PTPRD: variants seen among roughly 807,000 people sequenced by gnomAD.
PTPRD encodes protein tyrosine phosphatase receptor type D.
In PTPRD, 34 loss-of-function variants were observed where a neutral mutation model predicts 214.5. That is an observed-to-expected ratio of 0.16 (90% confidence interval 0.12 to 0.21). The LOEUF is 0.21. Among genes scored for constraint, PTPRD ranks in the 10% least tolerant of loss-of-function variants. The pLI, the probability that PTPRD is intolerant of heterozygous loss-of-function variation, is 1.00. For synonymous variants in PTPRD, 1,128 were observed against 845.7 expected, an observed-to-expected ratio of 1.33 and a Z score of -5.79; for missense variants, 2,545 against 2,398.7, an observed-to-expected ratio of 1.06 and a Z score of -1.27.
intron 4 of PTPRD, among the ~76,000 whole-genome samples, chr9:10,003,372 T>C (rs987419894): frequency 6.6e-6 from 1 of 151,806 alleles, no homozygotes; most frequent in Non-Finnish European, 1.5e-5. Flanking sequence ...AATAAAACCA[T>C]AGACTCAAAA....
intron 35 of PTPRD, among the ~76,000 whole-genome samples, chr9:8,434,474 C>T (rs1402115961): frequency 6.6e-6 from 1 of 152,110 alleles, no homozygotes; most frequent in Non-Finnish European, 1.5e-5. Flanking sequence ...CAAAATCACC[C>T]AAGAACACAT....
At chr9:9,239,019 T>C (rs763274427) in intron 9 of PTPRD, among the ~76,000 whole-genome samples, 1 of 152,156 alleles carries the variant, frequency 6.6e-6, no homozygotes, top group Non-Finnish European at 1.5e-5. Context: ...CTCCACAAGA[T>C]TGAGCTCTGA....
intron 8 of PTPRD, among the ~76,000 whole-genome samples, chr9:9,472,761 C>T (rs17831928): frequency 0.072 from 10,969 of 152,176 alleles, 463 homozygotes; most frequent in Middle Eastern, 0.099. Context: ...TTCCCTTAAT[C>T]GGCATAAAAT....
intron 5 of PTPRD, among the ~76,000 whole-genome samples, chr9:9,880,870 G>T (rs915011560): frequency 6.6e-6 from 1 of 152,012 alleles, no homozygotes; most frequent in East Asian, 1.9e-4. Context: ...CCTACTGTCT[G>T]AAACTGACTT....
intron 3 of PTPRD, among the ~76,000 whole-genome samples, chr9:10,086,942 A>C (rs571385764): frequency 3.3e-5 from 5 of 151,816 alleles, no homozygotes; most frequent in Non-Finnish European, 5.9e-5. Context: ...CTCCACTTTT[A>C]GGAAATATTA....
At position 10,311,231 on chromosome 9, in the gene PTPRD, C is replaced by G. The variant is rs144135342; in HGVS notation, c.-545+29732G>C. Among the ~76,000 whole-genome samples, 428 of 151,974 alleles carry G rather than the reference C, an allele frequency of 2.8e-3. 2 individuals carry two copies. The highest frequency in any genetic ancestry group is 9.8e-3 in the African/African-American group (408 of 41,484). On this transcript the variant is annotated intron_variant, in intron 3 of 45. Coordinates refer to ENST00000381196, the MANE Select transcript of PTPRD (RefSeq NM_002839.4). ...CTTAACTTTGTCTTTCTTAATATTG[C>G]TAACCCATAGGAGAAAAATTTAGTC...
At chr9:9,742,499 A>G (rs532477929) in intron 6 of PTPRD, among the ~76,000 whole-genome samples, 18 of 152,286 alleles carry the variant, frequency 1.2e-4, no homozygotes, top group African/African-American at 4.3e-4. Context: ...TAATTTTGAT[A>G]AAGAAAGGAA....
intron 9 of PTPRD, among the ~76,000 whole-genome samples, chr9:9,206,399 G>A (rs140947924): frequency 1.1e-4 from 16 of 152,322 alleles, no homozygotes; most frequent in African/African-American, 3.6e-4. Context: ...ACTGGAGTGA[G>A]AGTTGGGGGA....
At chr9:8,896,293 T>C (rs1349273218) in intron 11 of PTPRD, among the ~76,000 whole-genome samples, 1 of 152,232 alleles carries the variant, frequency 6.6e-6, no homozygotes, top group Non-Finnish European at 1.5e-5. Context: ...GCCTTCAGAA[T>C]TGGTTATGGA....
chr9:8,359,139 C>CA (rs1564253432), intron 39 of PTPRD, among the ~76,000 whole-genome samples: 2 of 13,256 alleles, frequency 1.5e-4, no homozygotes, highest in Non-Finnish European at 2.5e-4. Context: ...AAAAAAAAAA[C>CA]AAAAAAAAAT....
At chr9:9,060,224 C>A (rs536813628) in intron 10 of PTPRD, among the ~76,000 whole-genome samples, 23 of 152,212 alleles carry the variant, frequency 1.5e-4, no homozygotes, top group African/African-American at 5.3e-4. Context: ...CAGTGTAACA[C>A]AGCAGAGGCC....
chr9:8,973,472 G>C lies in PTPRD; in HGVS notation c.-104+45225C>G, dbSNP rs532289605. On this transcript the variant is annotated intron_variant, in intron 11 of 45. Transcript: ENST00000381196. ...TCTTTATCCAATCCACCGTTGATAG[G>C]TACCTAGGTTGATTCCATGTCTTTG... Among the ~76,000 whole-genome samples, 70 of 151,940 alleles carry C rather than the reference G, an allele frequency of 4.6e-4. 1 individual carries two copies. The highest frequency in any genetic ancestry group is 1.1e-3 in the Admixed American group (17 of 15,220).
intron 8 of PTPRD, among the ~76,000 whole-genome samples, chr9:9,492,818 C>A (rs1360940061): frequency 2.0e-5 from 3 of 150,848 alleles, no homozygotes; most frequent in African/African-American, 2.4e-5. Context: ...TTTGTTTCTG[C>A]ATCATATTTC....
At chr9:9,148,853 G>A (rs937408496) in intron 10 of PTPRD, among the ~76,000 whole-genome samples, 1 of 151,908 alleles carries the variant, frequency 6.6e-6, no homozygotes, top group Admixed American at 6.6e-5. Context: ...TAAAACCTAA[G>A]GTAATAAAAA....
intron 11 of PTPRD, among the ~76,000 whole-genome samples, chr9:8,911,727 G>A (rs1160195655): frequency 6.6e-6 from 1 of 151,892 alleles, no homozygotes; most frequent in Admixed American, 6.6e-5. Context: ...TTAAGAAAGT[G>A]AAAAATGACC....
At chr9:8,893,256 C>T (rs752079568) in intron 11 of PTPRD, among the ~76,000 whole-genome samples, 2 of 152,016 alleles carry the variant, frequency 1.3e-5, no homozygotes, top group Non-Finnish European at 1.5e-5. Flanking sequence ...AAGATGTGAA[C>T]AGATTATCAT....
At chr9:8,496,318 A>T (rs1041291168) in intron 26 of PTPRD, among the ~76,000 whole-genome samples, 18 of 151,996 alleles carry the variant, frequency 1.2e-4, no homozygotes, top group Admixed American at 1.3e-4. Flanking sequence ...ACTGTCTCTG[A>T]ATTCATAGCT....
rs113082712 is a variant in PTPRD at position 9,680,888 on chromosome 9, C to T, written c.-287+53645G>A. Among the ~76,000 whole-genome samples the T allele has an allele frequency of 8.8e-3, 1,333 of 151,864 alleles. 10 individuals carry two copies. Among genetic ancestry groups the T allele is most frequent in the Middle Eastern group, 0.02 (6 of 294 alleles). ...ACATATCTTTTCTTACTGTTATGAG[C>T]ATTAATATTGTGGTACCCTCTCTTG... On this transcript the variant is annotated intron_variant, in intron 7 of 45. Transcript: ENST00000381196.
chr9:9,831,922 A>G (rs1039294511), intron 5 of PTPRD, among the ~76,000 whole-genome samples: 1 of 151,988 alleles, frequency 6.6e-6, no homozygotes, highest in East Asian at 1.9e-4. Context: ...GGTTGGCAAA[A>G]ATGTGGACCC....
Sources: gnomAD v4.1 joint callset for allele counts (sites outside exome capture counted in the v4.1 genomes callset) on GRCh38, gnomAD v4.1.1 for gene constraint, MANE v1.5 for transcripts, NCBI Gene and HGNC (gene_info 2026-07-23, HGNC 2026-07-21) for gene names.